OPA1: variants seen among roughly 807,000 people sequenced by gnomAD.
OPA1 encodes the protein dynamin-like GTPase OPA1, mitochondrial.
In OPA1, 59 loss-of-function variants were observed where a neutral mutation model predicts 152.9. The ratio of observed to expected loss-of-function variants is 0.39; its 90% CI spans 0.31 to 0.48. The LOEUF is 0.48. OPA1 is among the 20% of genes least tolerant of loss of function. OPA1 has a pLI of 0.96. For synonymous variants in OPA1, 400 were observed against 389.9 expected (o/e 1.03, Z -0.31); for missense variants, 1,008 against 1,216.8 (o/e 0.83, Z 2.55).
intron 7 of OPA1, among the ~76,000 whole-genome samples, chr3:193,626,488 T>C (rs1376267298): frequency 1.3e-5 from 2 of 152,366 alleles, no homozygotes; most frequent in South Asian, 2.1e-4. Context: ...TTTCTGTTTA[T>C]GTGGTCCAGT....
chr3:193,645,659 A>G (rs750987905), intron 17 of OPA1, 34 bp downstream of exon 17: 3 of 1,606,240 alleles, frequency 1.9e-6, no homozygotes, highest in South Asian at 2.2e-5. Context: ...ACTTATTTTT[A>G]GTTTCTGTTG....
chr3:193,593,554 A>G (rs1302390348), intron 1 of OPA1, 145 bp downstream of exon 1: 4 of 866,830 alleles, frequency 4.6e-6, no homozygotes, highest in Non-Finnish European at 5.0e-6. Context: ...TTGAGGACCC[A>G]GAATGACAGG....
chr3:193,677,066 ATAT>A (rs1354696996), intron 29 of OPA1, among the ~76,000 whole-genome samples: 9 of 151,764 alleles, frequency 5.9e-5, no homozygotes, highest in African/African-American at 1.2e-4. Flanking sequence ...CTTTTCTATA[ATAT>A]TATACATGCT....
intron 29 of OPA1, among the ~76,000 whole-genome samples, chr3:193,690,141 A>G (rs569553168): frequency 1.6e-4 from 25 of 152,166 alleles, no homozygotes; most frequent in Admixed American, 1.3e-3. Flanking sequence ...AAAAAATGGA[A>G]GTCAGCCTAC....
chr3:193,629,031 A>G lies in OPA1; in HGVS notation c.790-2581A>G, dbSNP rs577520550. On this transcript the variant is annotated intron_variant, in intron 7 of 30. Coordinates refer to ENST00000361510, the MANE Select transcript of OPA1 (RefSeq NM_130837.3). The stretch of plus-strand genomic sequence containing the variant: ...CGGGTTCAAGCGATTCTCCTGCCTC[A>G]GTCTCCCGAGTAGCTGGGATTACAG... Among the ~76,000 whole-genome samples the G allele has an allele frequency of 7.9e-5, 12 of 152,230 alleles. No homozygotes were observed. In the South Asian group the frequency reaches 2.5e-3, roughly 32 times the overall value.
intron 22 of OPA1, 50 bp downstream of exon 22, chr3:193,655,077 T>G: frequency 6.5e-7 from 1 of 1,547,754 alleles, no homozygotes; most frequent in Non-Finnish European, 8.9e-7. Context: ...CTGAAGGGAG[T>G]AGGAGCTGTG....
At chr3:193,648,047 T>G in intron 19 of OPA1, 23 bp from the exon 20 acceptor site, 1 of 1,591,220 alleles carries the variant, frequency 6.3e-7, no homozygotes, top group Non-Finnish European at 8.6e-7. Context: ...GTCATCAAAC[T>G]TGAACTTTTC....
At chr3:193,633,655 C>T (rs962057286) in intron 8 of OPA1, among the ~76,000 whole-genome samples, 5 of 152,124 alleles carry the variant, frequency 3.3e-5, no homozygotes, top group Middle Eastern at 3.4e-3. Context: ...TAAAAAGAAA[C>T]GTGGAATTAG....
At chr3:193,671,370 C>T (rs1460553531) in intron 29 of OPA1, among the ~76,000 whole-genome samples, 1 of 151,940 alleles carries the variant, frequency 6.6e-6, no homozygotes, top group Non-Finnish European at 1.5e-5. Context: ...AGTTAGAGCA[C>T]AGTCTGCAAA....
intron 2 of OPA1, 104 bp from the exon 3 acceptor site, chr3:193,615,570 A>T (rs1176718111): frequency 1.3e-6 from 1 of 777,598 alleles, no homozygotes; most frequent in African/African-American, 1.7e-5. Context: ...TTTGAACATA[A>T]TACATTATTC....
At chr3:193,595,522 C>A (rs1725346741) in intron 1 of OPA1, among the ~76,000 whole-genome samples, 1 of 152,158 alleles carries the variant, frequency 6.6e-6, no homozygotes, top group African/African-American at 2.4e-5. Flanking sequence ...AAAGGCATTG[C>A]TGCATTTTCT....
At chr3:193,623,911 A>G (rs537348268) in intron 6 of OPA1, among the ~76,000 whole-genome samples, 1 of 152,286 alleles carries the variant, frequency 6.6e-6, no homozygotes, top group African/African-American at 2.4e-5. Context: ...GTGTAGTATC[A>G]TGTAAATAGC....
chr3:193,618,965 G>C (rs758025983), intron 6 of OPA1, 29 bp downstream of exon 6: 52 of 1,554,852 alleles, frequency 3.3e-5, no homozygotes, highest in Non-Finnish European at 4.6e-5. Context: ...TGTTCATGTA[G>C]GTAGTCTTGA....
At chr3:193,637,365 C>T in intron 10 of OPA1, 84 bp downstream of exon 10, 1 of 787,764 alleles carries the variant, frequency 1.3e-6, no homozygotes, top group South Asian at 1.4e-5. Flanking sequence ...TATATATGTA[C>T]ACATACACAT....
At chr3:193,623,227 C>T (rs12490391) in intron 6 of OPA1, among the ~76,000 whole-genome samples, 65,181 of 151,776 alleles carry the variant, frequency 0.43, 14,257 homozygotes, top group Non-Finnish European at 0.44. Context: ...AACCTCATGA[C>T]CTCATCACCT....
chr3:193,686,254 G>A (rs934435138), intron 29 of OPA1, among the ~76,000 whole-genome samples: 3 of 152,278 alleles, frequency 2.0e-5, no homozygotes, highest in African/African-American at 7.2e-5. Flanking sequence ...TTTTGAAGTA[G>A]TGAAACTAAC....
Position 193,647,083 on chromosome 3 carries a change from A to G in OPA1, c.1773A>G (p.Ala591=). ...TTAATAGGACAAGCATGCTAAAGGCACACCAAGTGACTACAAGAAATTTAA... is the reference window on the plus strand; with the variant it reads ...TTAATAGGACAAGCATGCTAAAGGCGCACCAAGTGACTACAAGAAATTTAA... ...SKLLKTSMLK[A]HQVTTRNLSL... is the part of the protein sequence containing the mutation. Residue 591 remains alanine (A), a synonymous_variant, in exon 19 of 31, where the codon GCA becomes GCG. Coordinates refer to ENST00000361510, the MANE Select transcript of OPA1 (RefSeq NM_130837.3). 3.1e-6 allele frequency: 5 copies of G among 1,611,812 alleles called. No individual in the cohort carries two copies. The highest frequency in any genetic ancestry group is 4.2e-6 in the Non-Finnish European group (5 of 1,178,924).
rs1219753329 is a variant in OPA1, at chr3:193,657,185, GA to G, written c.2287del (p.Ser763ValfsTer15). 2 of 1,613,944 alleles carry G rather than the reference GA, an allele frequency of 1.2e-6. No homozygotes were observed. Among genetic ancestry groups the G allele is most frequent in the Non-Finnish European group, 1.7e-6 (2 of 1,179,918 alleles). On this transcript the variant is annotated frameshift_variant, in exon 23 of 31. Transcript: ENST00000361510. LOFTEE classifies it high-confidence loss of function. ...FDKLKEAVKE[E>X]SIKRHKWNDF... ...TAAACTTAAAGAGGCTGTTAAGGAA[GA>G]AAGTATTAAACGACACAAGTGGAAT... is the stretch of plus-strand genomic sequence containing the variant.
intron 21 of OPA1, 23 bp from the exon 22 acceptor site, chr3:193,654,839 C>T (rs1166089308): frequency 6.2e-7 from 1 of 1,610,542 alleles, no homozygotes; most frequent in South Asian, 1.1e-5. Flanking sequence ...AGATTTGGTG[C>T]TTTTGATACT....
Sources: gnomAD v4.1 joint callset for allele counts (sites outside exome capture counted in the v4.1 genomes callset) on GRCh38, gnomAD v4.1.1 for gene constraint, MANE v1.5 for transcripts, NCBI Gene and HGNC (gene_info 2026-07-23, HGNC 2026-07-21) for gene names.